CADM2: variants seen among roughly 807,000 people sequenced by gnomAD.
CADM2 encodes the protein cell adhesion molecule 2, also known as immunoglobulin superfamily member 4D.
CADM2 carries 12 observed loss-of-function variants against 49.8 expected under a neutral mutation model. The ratio of observed to expected loss-of-function variants is 0.24; its 90% CI spans 0.15 to 0.39. CADM2 has a LOEUF of 0.39. Ranked by LOEUF, CADM2 falls within the 10% of genes least tolerant of loss-of-function variation. The pLI is 1.00. For synonymous variants in CADM2, 214 were observed against 175.4 expected (o/e 1.22, Z -1.74); for missense variants, 378 against 492.3 (o/e 0.77, Z 2.20).
intron 8 of CADM2, among the ~76,000 whole-genome samples, chr3:85,973,151 AATG>A (rs553758554): frequency 1.1e-3 from 172 of 151,846 alleles, no homozygotes; most frequent in African/African-American, 4.1e-3. Context: ...TATTTTTAAG[AATG>A]ATACTATTGC....
At chr3:85,877,831 A>G (rs1403572929) in intron 3 of CADM2, among the ~76,000 whole-genome samples, 1 of 151,908 alleles carries the variant, frequency 6.6e-6, no homozygotes, top group Non-Finnish European at 1.5e-5. Flanking sequence ...GTTTCAATTC[A>G]ATAGCTACTC....
chr3:85,374,173 A>G (rs958326354), intron 1 of CADM2, among the ~76,000 whole-genome samples: 1 of 152,050 alleles, frequency 6.6e-6, no homozygotes. Flanking sequence ...CCATATCTTT[A>G]TAAGTTAATA....
chr3:85,855,211 A>G (rs2075260983), intron 3 of CADM2, among the ~76,000 whole-genome samples: 2 of 152,204 alleles, frequency 1.3e-5, no homozygotes, highest in South Asian at 2.1e-4. Context: ...AATGAGCAAG[A>G]AACACCCTCA....
chr3:85,741,523 CTGGGCATGGTGGTGCA>C lies in CADM2; in HGVS notation c.88+14978_88+14993del, dbSNP rs576430323. Among the ~76,000 whole-genome samples the C allele has an allele frequency of 5.8e-3, 884 of 152,192 alleles. 12 individuals carry two copies. The highest frequency in any genetic ancestry group is 0.021 in the African/African-American group (856 of 41,546). On this transcript the variant is annotated intron_variant, in intron 2 of 9. Transcript: ENST00000383699. ...TCTCTACTAAAAATACAAAAATTAG[CTGGGCATGGTGGTGCA>C]TGCCTGCAATCCCAGCTACTCAAGA... is the stretch of plus-strand genomic sequence containing the variant.
chr3:85,522,594 C>T (rs1266190722), intron 1 of CADM2, among the ~76,000 whole-genome samples: 2 of 151,848 alleles, frequency 1.3e-5, no homozygotes, highest in Non-Finnish European at 2.9e-5. Context: ...AATGTAGTTC[C>T]AGAGAAACAG....
At chr3:85,421,174 C>T (rs932605090) in intron 1 of CADM2, among the ~76,000 whole-genome samples, 6 of 152,114 alleles carry the variant, frequency 3.9e-5, no homozygotes, top group African/African-American at 1.4e-4. Context: ...ACAGGCAGAG[C>T]CAGGGAATGT....
chr3:85,075,349 G>A (rs1439948237), intron 1 of CADM2, among the ~76,000 whole-genome samples: 1 of 151,982 alleles, frequency 6.6e-6, no homozygotes, highest in East Asian at 1.9e-4. Context: ...GTTGAGGTCT[G>A]TATGACATGG....
intron 1 of CADM2, among the ~76,000 whole-genome samples, chr3:85,226,260 T>C (rs1048170805): frequency 2.0e-5 from 3 of 151,952 alleles, no homozygotes; most frequent in African/African-American, 7.3e-5. Flanking sequence ...ATTTTTTTTT[T>C]TTTGATTGGT....
At chr3:85,370,383 C>G (rs1285364275) in intron 1 of CADM2, among the ~76,000 whole-genome samples, 1 of 151,694 alleles carries the variant, frequency 6.6e-6, no homozygotes, top group African/African-American at 2.4e-5. Flanking sequence ...GATCGCGCCA[C>G]TGCACTGCAA....
intron 1 of CADM2, among the ~76,000 whole-genome samples, chr3:84,976,335 ATATT>A (rs2107116018): frequency 6.6e-6 from 1 of 151,846 alleles, no homozygotes; most frequent in South Asian, 2.1e-4. Flanking sequence ...ATTTGATACT[ATATT>A]TATATTATAG....
intron 5 of CADM2, among the ~76,000 whole-genome samples, chr3:85,888,450 A>G (rs766900820): frequency 2.0e-5 from 3 of 152,180 alleles, no homozygotes; most frequent in Admixed American, 2.0e-4. Flanking sequence ...CTGAATCAAG[A>G]TCAGAACAAC....
intron 1 of CADM2, among the ~76,000 whole-genome samples, chr3:85,327,288 C>G: frequency 6.6e-6 from 1 of 151,864 alleles, no homozygotes; most frequent in Non-Finnish European, 1.5e-5. Flanking sequence ...GACAGATTCT[C>G]AGTGTTGCCC....
intron 1 of CADM2, among the ~76,000 whole-genome samples, chr3:85,492,431 A>G (rs1176876786): frequency 2.6e-5 from 4 of 152,040 alleles, no homozygotes; most frequent in African/African-American, 9.7e-5. Context: ...GTCTCTACTA[A>G]AAACACAAAA....
intron 6 of CADM2, among the ~76,000 whole-genome samples, chr3:85,933,585 T>G (rs555381058): frequency 1.5e-4 from 23 of 151,924 alleles, no homozygotes; most frequent in Non-Finnish European, 3.1e-4. Context: ...TAAAAGGAGA[T>G]TTATTGTGAG....
chr3:85,971,908 C>T (rs1328827442), intron 8 of CADM2, among the ~76,000 whole-genome samples: 1 of 151,520 alleles, frequency 6.6e-6, no homozygotes, highest in African/African-American at 2.4e-5. Flanking sequence ...ATTTTAAGAA[C>T]AGCTTTTTTT....
At chr3:85,942,930 A>C (rs537762163) in intron 7 of CADM2, among the ~76,000 whole-genome samples, 1 of 152,228 alleles carries the variant, frequency 6.6e-6, no homozygotes, top group South Asian at 2.1e-4. Context: ...ACAATGGTTG[A>C]ACTAGTTCAC....
chr3:85,876,636 C>T (rs1711882794), intron 3 of CADM2, among the ~76,000 whole-genome samples: 1 of 152,144 alleles, frequency 6.6e-6, no homozygotes, highest in Non-Finnish European at 1.5e-5. Flanking sequence ...TTATTACTCA[C>T]TAGAAACCAA....
chr3:85,393,357 T>C (rs2034614049), intron 1 of CADM2, among the ~76,000 whole-genome samples: 1 of 152,118 alleles, frequency 6.6e-6, no homozygotes, highest in Non-Finnish European at 1.5e-5. Context: ...GTGATGGTGG[T>C]ACAAACAATT....
At chr3:85,432,889 A>C (rs1207014693) in intron 1 of CADM2, among the ~76,000 whole-genome samples, 1 of 152,078 alleles carries the variant, frequency 6.6e-6, no homozygotes, top group Non-Finnish European at 1.5e-5. Context: ...TAGTCATCTC[A>C]TATCATTTAA....
Sources: gnomAD v4.1 joint callset for allele counts (sites outside exome capture counted in the v4.1 genomes callset) on GRCh38, gnomAD v4.1.1 for gene constraint, MANE v1.5 for transcripts, NCBI Gene and HGNC (gene_info 2026-07-23, HGNC 2026-07-21) for gene names.